CYP3A4: variants seen among roughly 807,000 people sequenced by gnomAD.
CYP3A4 encodes the protein cytochrome P450 family 3 subfamily A member 4.
A neutral mutation model predicts 54.9 loss-of-function variants in CYP3A4; 41 were observed. That is an observed-to-expected ratio of 0.75 (90% CI 0.58 to 0.97). The LOEUF (loss-of-function observed/expected upper bound fraction) is 0.97, where lower values mean the gene tolerates loss of function less well. Among genes scored for constraint, CYP3A4 ranks in the 50% least tolerant of loss-of-function variants. The pLI, the probability that CYP3A4 is intolerant of heterozygous loss-of-function variation, is 0.00. For synonymous variants in CYP3A4, 179 were observed against 205.2 expected, an observed-to-expected ratio of 0.87 and a Z score of 1.09; for missense variants, 510 against 597.3, an observed-to-expected ratio of 0.85 and a Z score of 1.52.
chr7:99,779,726 T>C (rs1227181981), intron 2 of CYP3A4, among the ~76,000 whole-genome samples: 1 of 152,186 alleles, frequency 6.6e-6, no homozygotes, highest in African/African-American at 2.4e-5. Context: ...TTTATGGCGC[T>C]CACAAAGTTT....
intron 7 of CYP3A4, 55 bp from the exon 8 acceptor site, chr7:99,767,313 AT>A: frequency 6.7e-7 from 1 of 1,486,288 alleles, no homozygotes; most frequent in Non-Finnish European, 9.0e-7. Context: ...AATGTGCAAA[AT>A]TTACCTGGAG....
intron 7 of CYP3A4, 149 bp from the exon 8 acceptor site, chr7:99,767,407 C>G (rs1815503371): frequency 2.8e-6 from 2 of 723,136 alleles, no homozygotes; most frequent in South Asian, 4.0e-5. Context: ...TGACTTTTGC[C>G]CCTCTTTCAG....
At chr7:99,764,287 A>G (rs1157674099) in intron 9 of CYP3A4, among the ~76,000 whole-genome samples, 2 of 152,152 alleles carry the variant, frequency 1.3e-5, no homozygotes, top group Admixed American at 1.3e-4. Context: ...CAGCTGTGTA[A>G]TTTCCAGAGA....
chr7:99,768,244 T>C, intron 7 of CYP3A4, 110 bp downstream of exon 7: 7 of 1,238,176 alleles, frequency 5.7e-6, no homozygotes, highest in Non-Finnish European at 6.8e-6. Context: ...GTACTACAAA[T>C]CACTGAACTG....
intron 11 of CYP3A4, among the ~76,000 whole-genome samples, chr7:99,761,274 C>T (rs1424813410): frequency 2.6e-5 from 4 of 152,082 alleles, no homozygotes; most frequent in East Asian, 1.9e-4. Flanking sequence ...GGTGATGTGT[C>T]CACACTATAA....
At chr7:99,778,203 T>C in intron 2 of CYP3A4, 123 bp from the exon 3 acceptor site, 2 of 698,792 alleles carry the variant, frequency 2.9e-6, no homozygotes, top group East Asian at 5.5e-5. Context: ...AGGAAGCTTA[T>C]TTGGAGACGT....
At chr7:99,766,245 T>C (rs573576203) in intron 9 of CYP3A4, 132 bp downstream of exon 9, 10 of 1,116,410 alleles carry the variant, frequency 9.0e-6, no homozygotes, top group Middle Eastern at 4.8e-4. Flanking sequence ...CTACCACTTA[T>C]AACATTCAAA....
In CYP3A4 at chr7:99,758,026, A is replaced by G. The variant is rs71581999; in HGVS notation, c.*107T>C. The G allele has an allele frequency of 1.6e-4, 142 of 893,260 alleles. No individual in the cohort carries two copies. Among genetic ancestry groups the G allele is most frequent in the East Asian group, 8.1e-4 (33 of 40,552 alleles). The allele number at this position is 893,260 out of a possible 1,614,324, so 55.3% of individuals were successfully genotyped here. A position where few individuals can be genotyped will look rare whatever the true frequency, so the allele number is the denominator to read the frequency against. ...CCCGGTTATTTATGCAGTCCATTGG[A>G]TGAAGCCCATCTTCATTTCAGAGTT... On this transcript the variant is annotated 3_prime_UTR_variant, in exon 13 of 13. Coordinates refer to ENST00000651514, the MANE Select transcript of CYP3A4 (RefSeq NM_017460.6).
intron 3 of CYP3A4, among the ~76,000 whole-genome samples, chr7:99,776,849 A>G (rs1441744090): frequency 2.0e-5 from 3 of 152,204 alleles, no homozygotes; most frequent in African/African-American, 7.2e-5. Flanking sequence ...AATTTAAAAA[A>G]CTAAAAATAA....
intron 10 of CYP3A4, among the ~76,000 whole-genome samples, chr7:99,762,630 C>T (rs1481219125): frequency 6.6e-6 from 1 of 151,710 alleles, no homozygotes; most frequent in African/African-American, 2.4e-5. Flanking sequence ...TTGTTATATA[C>T]AGAAAATGTG....
chr7:99,779,872 C>T, intron 2 of CYP3A4, 120 bp downstream of exon 2: 1 of 909,536 alleles, frequency 1.1e-6, no homozygotes, highest in Non-Finnish European at 1.7e-6. Context: ...GATGCCTACA[C>T]ACTGTTTCTG....
intron 12 of CYP3A4, 90 bp from the exon 13 acceptor site, chr7:99,758,318 T>C: frequency 7.0e-7 from 1 of 1,419,800 alleles, no homozygotes. Flanking sequence ...TCCTTCAGTG[T>C]TGAGGGGACA....
intron 12 of CYP3A4, among the ~76,000 whole-genome samples, chr7:99,760,108 TA>T (rs1815281192): frequency 6.6e-6 from 1 of 152,104 alleles, no homozygotes; most frequent in East Asian, 1.9e-4. Context: ...GTGCTGGGAT[TA>T]CAGGCATGAG....
At chr7:99,780,615 T>C (rs1033152288) in intron 1 of CYP3A4, among the ~76,000 whole-genome samples, 3 of 152,232 alleles carry the variant, frequency 2.0e-5, no homozygotes, top group Non-Finnish European at 4.4e-5. Context: ...CCCTTCCCTC[T>C]AAGCTCTGAC....
intron 3 of CYP3A4, among the ~76,000 whole-genome samples, chr7:99,774,886 A>T (rs1432929919): frequency 6.6e-6 from 1 of 152,224 alleles, no homozygotes; most frequent in Non-Finnish European, 1.5e-5. Flanking sequence ...TTAGGAAAAG[A>T]GGAAGTCAAA....
chr7:99,776,667 A>G (rs1815779246), intron 3 of CYP3A4, among the ~76,000 whole-genome samples: 1 of 152,016 alleles, frequency 6.6e-6, no homozygotes, highest in Admixed American at 6.6e-5. Flanking sequence ...ACGGGGAGGG[A>G]AACATCACAC....
At chr7:99,768,563 C>G in intron 6 of CYP3A4, 61 bp from the exon 7 acceptor site, 1 of 1,611,330 alleles carries the variant, frequency 6.2e-7, no homozygotes, top group Non-Finnish European at 8.5e-7. Context: ...TTCCTCTATG[C>G]ATGCAACAGG....
At chr7:99,759,683 T>C (rs17161857) in intron 12 of CYP3A4, among the ~76,000 whole-genome samples, 8,217 of 152,208 alleles carry the variant, frequency 0.054, 711 homozygotes, top group African/African-American at 0.19. Flanking sequence ...AATGATTTAA[T>C]GGCAAATTGT....
intron 7 of CYP3A4, among the ~76,000 whole-genome samples, chr7:99,767,545 A>T (rs978289010): frequency 2.0e-5 from 3 of 152,212 alleles, no homozygotes; most frequent in African/African-American, 7.2e-5. Flanking sequence ...CTTTGCCTTT[A>T]TCTATTGGAC....
Sources: gnomAD v4.1 joint callset for allele counts (sites outside exome capture counted in the v4.1 genomes callset) on GRCh38, gnomAD v4.1.1 for gene constraint, MANE v1.5 for transcripts, NCBI Gene and HGNC (gene_info 2026-07-23, HGNC 2026-07-21) for gene names.